LSAMP: variants seen among roughly 807,000 people sequenced by gnomAD.
LSAMP encodes the protein limbic system associated membrane protein.
A neutral mutation model predicts 38.6 loss-of-function variants in LSAMP; 7 were observed. That is an observed-to-expected ratio of 0.18 (90% confidence interval 0.10 to 0.34). The LOEUF (loss-of-function observed/expected upper bound fraction) is 0.34, where lower values mean the gene tolerates loss of function less well. Among genes scored for constraint, LSAMP ranks in the 10% least tolerant of loss-of-function variants. The pLI, the probability that LSAMP is intolerant of heterozygous loss-of-function variation, is 1.00. For synonymous variants in LSAMP, 154 were observed against 166.8 expected (o/e 0.92, Z 0.59); for missense variants, 313 against 420.0 (o/e 0.75, Z 2.23).
chr3:116,442,444 G>A (rs1192528941), intron 1 of LSAMP, among the ~76,000 whole-genome samples: 3 of 152,000 alleles, frequency 2.0e-5, no homozygotes, highest in Admixed American at 6.6e-5. Flanking sequence ...CCAGTAAAAT[G>A]TCACAAATAA....
intron 1 of LSAMP, among the ~76,000 whole-genome samples, chr3:116,258,379 C>T (rs1341570893): frequency 6.6e-6 from 1 of 151,686 alleles, no homozygotes; most frequent in African/African-American, 2.4e-5. Context: ...TCATTTAATT[C>T]TTCTGTATCT....
intron 1 of LSAMP, among the ~76,000 whole-genome samples, chr3:116,319,229 T>C (rs2047675072): frequency 6.6e-6 from 1 of 152,186 alleles, no homozygotes; most frequent in South Asian, 2.1e-4. Flanking sequence ...CTTTCCTCTA[T>C]AAAAAAGTTA....
At chr3:116,106,581 G>A (rs1204498138) in intron 1 of LSAMP, among the ~76,000 whole-genome samples, 1 of 152,026 alleles carries the variant, frequency 6.6e-6, no homozygotes, top group Non-Finnish European at 1.5e-5. Flanking sequence ...TAGACCATTA[G>A]TCTGTCACTG....
In LSAMP at chr3:116,400,722, C is replaced by T. The variant is rs575084813; in HGVS notation, c.155+44155G>A. 2.3e-3 allele frequency among the ~76,000 whole-genome samples: 353 copies of T among 152,274 alleles called. 1 individual carries two copies. The highest frequency in any genetic ancestry group is 7.8e-3 in the African/African-American group (324 of 41,554). ...CAAACTCCTGACCTCAGGTGATCCA[C>T]CCGCCTCGGCCTCCCAAAGTGCTGG... On this transcript the variant is annotated intron_variant, in intron 1 of 6. Transcript: ENST00000490035.
At chr3:116,273,683 C>CAGATAGATATAT (rs150705226) in intron 1 of LSAMP, among the ~76,000 whole-genome samples, 1 of 50,528 alleles carries the variant, frequency 2.0e-5, no homozygotes, top group East Asian at 6.0e-4. Flanking sequence ...GAGAAAGAGG[C>CAGATAGATATAT]ATATATATAT....
At chr3:116,132,418 G>T (rs1006621444) in intron 1 of LSAMP, among the ~76,000 whole-genome samples, 18 of 135,420 alleles carry the variant, frequency 1.3e-4, no homozygotes, top group African/African-American at 4.1e-4. Flanking sequence ...AAGGTCAAGT[G>T]GCCTTCCTCC....
At chr3:115,900,969 A>G (rs1936858797) in intron 3 of LSAMP, among the ~76,000 whole-genome samples, 1 of 152,048 alleles carries the variant, frequency 6.6e-6, no homozygotes. Context: ...TTCCCTCTCA[A>G]TTTTGGCAAA....
rs374952516 is a variant in LSAMP, at chr3:116,246,976, G to A, written c.156-160420C>T. ...GGCTCACATCAGCTTTTCCATCCCC[G>A]ATTTTTTTGTGACTGTGGTCATCTT... On this transcript the variant is annotated intron_variant, in intron 1 of 6. Coordinates refer to ENST00000490035, the MANE Select transcript of LSAMP (RefSeq NM_002338.5). Among the ~76,000 whole-genome samples, 43 of 152,164 alleles carry A rather than the reference G, an allele frequency of 2.8e-4. 1 individual carries two copies. In the South Asian group the frequency reaches 8.3e-3, roughly 29 times the overall value.
intron 1 of LSAMP, among the ~76,000 whole-genome samples, chr3:116,191,227 C>A (rs1196263211): frequency 6.6e-6 from 1 of 152,032 alleles, no homozygotes; most frequent in East Asian, 1.9e-4. Context: ...TGTCTCAAAA[C>A]AAACAAACAA....
chr3:115,879,341 A>G (rs1450256668), intron 3 of LSAMP, among the ~76,000 whole-genome samples: 1 of 152,180 alleles, frequency 6.6e-6, no homozygotes, highest in East Asian at 1.9e-4. Context: ...ATACACAAAT[A>G]AAACCCAAAG....
chr3:116,167,423 G>A (rs7641464), intron 1 of LSAMP, among the ~76,000 whole-genome samples: 82,008 of 152,020 alleles, frequency 0.54, 23,266 homozygotes, highest in East Asian at 0.76. Flanking sequence ...AAAGGATAGA[G>A]GAAAAGATGT....
chr3:115,980,444 G>A (rs571065788), intron 3 of LSAMP, among the ~76,000 whole-genome samples: 1 of 150,962 alleles, frequency 6.6e-6, no homozygotes, highest in Non-Finnish European at 1.5e-5. Context: ...TCTCAGTTTG[G>A]AGTTTTTGGT....
At chr3:116,322,297 T>C (rs2047716124) in intron 1 of LSAMP, among the ~76,000 whole-genome samples, 1 of 152,218 alleles carries the variant, frequency 6.6e-6, no homozygotes, top group South Asian at 2.1e-4. Flanking sequence ...AATATAAAAG[T>C]ACATTTTGTT....
chr3:116,001,513 A>G (rs1328453600), intron 3 of LSAMP, among the ~76,000 whole-genome samples: 1 of 152,216 alleles, frequency 6.6e-6, no homozygotes, highest in African/African-American at 2.4e-5. Context: ...TTAAAATAAT[A>G]TAAGTTTATT....
chr3:115,991,867 C>T (rs1939679339), intron 3 of LSAMP, among the ~76,000 whole-genome samples: 1 of 152,038 alleles, frequency 6.6e-6, no homozygotes, highest in Non-Finnish European at 1.5e-5. Flanking sequence ...AATACTGTTG[C>T]AAGCTCCAAT....
chr3:116,127,958 A>G (rs991086699), intron 1 of LSAMP, among the ~76,000 whole-genome samples: 1 of 152,112 alleles, frequency 6.6e-6, no homozygotes, highest in Admixed American at 6.6e-5. Context: ...ATTGTTCATC[A>G]GGTTCTTCAA....
chr3:116,153,988 C>T (rs1194259454), intron 1 of LSAMP, among the ~76,000 whole-genome samples: 1 of 152,060 alleles, frequency 6.6e-6, no homozygotes, highest in African/African-American at 2.4e-5. Context: ...AATTGACAAT[C>T]TCCCAAAATA....
chr3:115,969,276 C>T (rs375614039), intron 3 of LSAMP, among the ~76,000 whole-genome samples: 304 of 152,258 alleles, frequency 2.0e-3, no homozygotes, highest in African/African-American at 7.0e-3. Flanking sequence ...CTTCCCCTCA[C>T]ATGTATGTTT....
At chr3:116,414,199 A>C (rs922699190) in intron 1 of LSAMP, among the ~76,000 whole-genome samples, 1 of 152,026 alleles carries the variant, frequency 6.6e-6, no homozygotes. Flanking sequence ...TCTGGGGATC[A>C]TTATTACTGC....
Sources: allele counts gnomAD v4.1 joint callset (sites outside exome capture counted in the v4.1 genomes callset), GRCh38; gene constraint gnomAD v4.1.1; transcripts MANE v1.5; gene names NCBI Gene and HGNC (gene_info 2026-07-23, HGNC 2026-07-21).